PCDHGB1: variants seen among roughly 807,000 people sequenced by gnomAD.
PCDHGB1 encodes protocadherin gamma subfamily B, 1.
A neutral mutation model predicts 56.6 loss-of-function variants in PCDHGB1; 34 were observed. The ratio of observed to expected loss-of-function variants is 0.60; its 90% confidence interval spans 0.46 to 0.80. The LOEUF (loss-of-function observed/expected upper bound fraction) is 0.80. Among genes scored for constraint, PCDHGB1 ranks in the 30% least tolerant of loss-of-function variants. The pLI is 0.00. For missense variants in PCDHGB1, 1,278 were observed against 1,204.6 expected (o/e 1.06, Z -0.90); for synonymous variants, 561 against 505.9 (o/e 1.11, Z -1.46).
intron 1 of PCDHGB1, chr5:141,430,760 A>C: frequency 1.3e-6 from 2 of 1,505,596 alleles, no homozygotes; most frequent in Non-Finnish European, 8.9e-7. Context: ...GAAGATAAGA[A>C]TGATTCCTGC....
At chr5:141,438,649 CACAT>C (rs2098044358) in intron 1 of PCDHGB1, among the ~76,000 whole-genome samples, 1 of 100,976 alleles carries the variant, frequency 9.9e-6, no homozygotes, top group Non-Finnish European at 2.0e-5. Context: ...CACACACACA[CACAT>C]ATATGTATAT....
Position 141,431,135 on chromosome 5 carries a change from A to G in PCDHGB1, c.2410-63672A>G, listed in dbSNP as rs140069213. The G allele has an allele frequency of 1.5e-5, 24 of 1,614,266 alleles. No homozygotes were observed. In the African/African-American group the frequency reaches 3.1e-4, roughly 21 times the overall value. Reference sequence around the variant, plus strand: ...TGGAGTAGAAGTAGAAGTAAGGGACATTAACGACAATGCGCCTTACTTTCG... The same window carrying G: ...TGGAGTAGAAGTAGAAGTAAGGGACGTTAACGACAATGCGCCTTACTTTCG... On this transcript the variant is annotated intron_variant, in intron 1 of 3. Transcript: ENST00000523390. This position sits in a 1 kb window ranked among gnomAD's most constrained non-coding sequence, Gnocchi z 4.8.
chr5:141,391,964 A>G (rs917564747), intron 1 of PCDHGB1: 3 of 152,232 alleles, frequency 2.0e-5, no homozygotes, highest in Non-Finnish European at 2.9e-5. Flanking sequence ...AAACAATGTA[A>G]ATAAAATAGC....
intron 1 of PCDHGB1, chr5:141,424,621 T>C (rs560809778): frequency 6.6e-6 from 1 of 152,346 alleles, no homozygotes; most frequent in Non-Finnish European, 1.5e-5. Context: ...TAGAGTAGTT[T>C]GTGAATATAT....
At position 141,432,202 on chromosome 5, in the gene PCDHGB1, T is replaced by C; in HGVS notation, c.2410-62605T>C. 1 of 1,614,120 alleles carries C rather than the reference T, an allele frequency of 6.2e-7. No homozygotes were observed. The highest frequency in any genetic ancestry group is 1.1e-5 in the South Asian group (1 of 91,072). ...CTGTGACCGCCCACGACCCCGACTGTGAAGAGAACGCCCAGATCACTTATT... is the reference window on the plus strand; with the variant it reads ...CTGTGACCGCCCACGACCCCGACTGCGAAGAGAACGCCCAGATCACTTATT... On this transcript the variant is annotated intron_variant, in intron 1 of 3. Coordinates refer to ENST00000523390, the MANE Select transcript of PCDHGB1 (RefSeq NM_018922.3). The surrounding 1 kb of genome is among the most constrained non-coding windows in gnomAD (Gnocchi z 6.0).
intron 1 of PCDHGB1, chr5:141,393,251 G>T: frequency 5.6e-6 from 9 of 1,613,814 alleles, no homozygotes; most frequent in Non-Finnish European, 6.8e-6. Flanking sequence ...ACGAAATCGC[G>T]GTTCCTGGAG....
At position 141,476,668 on chromosome 5, in the gene PCDHGB1, G is replaced by A; in HGVS notation, c.2410-18139G>A. The A allele has an allele frequency of 6.2e-7, 1 of 1,614,262 alleles. No individual in the cohort carries two copies. Among genetic ancestry groups the A allele is most frequent in the Non-Finnish European group, 8.5e-7 (1 of 1,180,054 alleles). On this transcript the variant is annotated intron_variant, in intron 1 of 3. Transcript: ENST00000523390. This position sits in a 1 kb window ranked among gnomAD's most constrained non-coding sequence, Gnocchi z 7.6. ...GAAATGAATACTTTGCGCTTCGCGT[G>A]CAGACGCGGGAGGACAGCACCAAGT...
In PCDHGB1 at chr5:141,351,828, C is replaced by T. The variant is rs868552248; in HGVS notation, c.1568C>T (p.Ala523Val). Residue 523 changes from alanine to valine, a missense_variant, in exon 1 of 4, where the codon GCC becomes GTC. By Grantham distance (64) the Ala-to-Val change is moderately conservative. Transcript: ENST00000523390. ...GCCTTCGACCACGAGCAGCTGCGCG[C>T]CTTCGAGCTCACACTGCAGGCCAGG... Reference protein sequence around the residue: ...QRAFDHEQLRAFELTLQARDQ... With the variant: ...QRAFDHEQLRVFELTLQARDQ... The T allele has an allele frequency of 1.9e-5, 30 of 1,613,108 alleles. No homozygotes were observed. The highest frequency in any genetic ancestry group is 2.5e-5 in the Non-Finnish European group (30 of 1,179,822).
chr5:141,367,002 T>A (rs1764897484), intron 1 of PCDHGB1: 3 of 451,252 alleles, frequency 6.6e-6, no homozygotes. Context: ...TATAATCATT[T>A]TACCCAAATA....
chr5:141,402,845 C>T (rs1273253699), intron 1 of PCDHGB1: 3 of 1,405,122 alleles, frequency 2.1e-6, no homozygotes, highest in Non-Finnish European at 2.8e-6. Flanking sequence ...AAAACTCAGC[C>T]TCTTTCTTCT....
chr5:141,425,844 G>C (rs985746948), intron 1 of PCDHGB1, among the ~76,000 whole-genome samples: 1 of 152,104 alleles, frequency 6.6e-6, no homozygotes, highest in Admixed American at 6.6e-5. Flanking sequence ...CTCTTTGCTG[G>C]GTTAATGACT....
chr5:141,423,264 C>T (rs1452323474), intron 1 of PCDHGB1: 6 of 1,613,868 alleles, frequency 3.7e-6, no homozygotes, highest in Non-Finnish European at 5.1e-6. Context: ...TCGGCAGCCT[C>T]GAGTCTCTGG....
At chr5:141,478,639 A>G (rs377308663) in intron 1 of PCDHGB1, 168 of 1,552,322 alleles carry the variant, frequency 1.1e-4, no homozygotes, top group Non-Finnish European at 1.0e-4. Context: ...TTAGTGATGA[A>G]GATGTTTTCC....
rs561359605 is a variant in PCDHGB1 at position 141,400,125 on chromosome 5, G to A, written c.2409+47456G>A. ...TGGTCTTTGCTGACAGCTTGCAGGA[G>A]GTGCTGCCGGATATCACTGACCGCC... On this transcript the variant is annotated intron_variant, in intron 1 of 3. Coordinates refer to ENST00000523390, the MANE Select transcript of PCDHGB1 (RefSeq NM_018922.3). The A allele has an allele frequency of 2.5e-4, 399 of 1,614,072 alleles. 3 individuals are homozygous for A. In the Admixed American group the frequency reaches 6.3e-3, roughly 26 times the overall value.
At position 141,351,596 on chromosome 5, in the gene PCDHGB1, C is replaced by T. The variant is rs773771390; in HGVS notation, c.1336C>T (p.Pro446Ser). 6.2e-7 allele frequency: 1 copy of T among 1,614,088 alleles called. No homozygotes were observed. The highest frequency in any genetic ancestry group is 1.1e-5 in the South Asian group (1 of 91,088). The change falls in exon 1 of 4, where the codon CCT becomes TCT. Residue 446 changes from proline to serine, a missense_variant. Physicochemically the swap from Pro to Ser is moderately conservative, Grantham distance 74 (BLOSUM62 -1). Transcript: ENST00000523390. ...LHISDINDNA[P>S]VFHQASYVVH... Reference sequence around the variant, plus strand: ...CATCTCCGACATCAACGACAATGCACCTGTTTTCCATCAGGCCTCCTATGT... The same window carrying T: ...CATCTCCGACATCAACGACAATGCATCTGTTTTCCATCAGGCCTCCTATGT...
intron 1 of PCDHGB1, chr5:141,357,842 G>T: frequency 1.6e-6 from 1 of 624,650 alleles, no homozygotes; most frequent in Non-Finnish European, 2.7e-6. Context: ...TTCAGTTGTA[G>T]TTTCAGCCAG....
Position 141,413,313 on chromosome 5 carries a change from C to T in PCDHGB1, c.2409+60644C>T, listed in dbSNP as rs1346034749. The T allele has an allele frequency of 1.9e-6, 3 of 1,613,842 alleles. No homozygotes were observed. The African/African-American group carries it at 4.0e-5, about 22-fold the overall frequency. On this transcript the variant is annotated intron_variant, in intron 1 of 3. Transcript: ENST00000523390. The stretch of plus-strand genomic sequence containing the variant: ...CAATTCCTGAGGAATTAGAGAAAGG[C>T]TCTTTCGTGGGCAACATCTCCAAGG...
chr5:141,490,942 C>G lies in PCDHGB1; in HGVS notation c.2410-3865C>G. 1 of 1,613,644 alleles carries G rather than the reference C, an allele frequency of 6.2e-7. No individual in the cohort carries two copies. Among genetic ancestry groups the G allele is most frequent in the Non-Finnish European group, 8.5e-7 (1 of 1,179,760 alleles). On this transcript the variant is annotated intron_variant, in intron 1 of 3. Transcript: ENST00000523390. This position sits in a 1 kb window ranked among gnomAD's most constrained non-coding sequence, Gnocchi z 5.4. ...TAATGCCCCAGCTGTGCTGCACCCA[C>G]GGCCAGACTGGGAACACTCAGCCCC...
intron 1 of PCDHGB1, among the ~76,000 whole-genome samples, chr5:141,369,540 A>G (rs983606884): frequency 1.3e-5 from 2 of 152,200 alleles, no homozygotes; most frequent in African/African-American, 4.8e-5. Context: ...TATTTAATTA[A>G]AAGTAGACAC....
Sources: allele counts gnomAD v4.1 joint callset (sites outside exome capture counted in the v4.1 genomes callset), GRCh38; gene constraint gnomAD v4.1.1; non-coding constraint Gnocchi (gnomAD v3.1); transcripts MANE v1.5; gene names NCBI Gene and HGNC (gene_info 2026-07-23, HGNC 2026-07-21).